The following DCTN6 variants were observed in gnomAD, a reference collection of about 807,000 sequenced individuals.
The protein encoded by DCTN6 is dynactin subunit 6.
A neutral mutation model predicts 25.8 loss-of-function variants in DCTN6; 15 were observed. The observed-to-expected ratio is 0.58, with a 90% CI of 0.39 to 0.89. The LOEUF (loss-of-function observed/expected upper bound fraction) is 0.89. Ranked by LOEUF, DCTN6 falls within the 40% of genes least tolerant of loss-of-function variation. The pLI is 0.00. For missense variants in DCTN6, 198 were observed against 237.6 expected, an observed-to-expected ratio of 0.83 and a Z score of 1.09; for synonymous variants, 64 against 78.3, an observed-to-expected ratio of 0.82 and a Z score of 0.96.
intron 1 of DCTN6, among the ~76,000 whole-genome samples, chr8:30,157,673 C>T (rs976459385): frequency 2.8e-4 from 42 of 152,130 alleles, no homozygotes; most frequent in African/African-American, 9.2e-4. Flanking sequence ...GCTTCTTCTC[C>T]GGTAGTCTTC....
intron 2 of DCTN6, among the ~76,000 whole-genome samples, chr8:30,172,180 C>T (rs1275109997): frequency 1.3e-5 from 2 of 151,902 alleles, no homozygotes; most frequent in Non-Finnish European, 1.5e-5. Context: ...GATCACAGCC[C>T]CGAAAGTTGT....
intron 1 of DCTN6, among the ~76,000 whole-genome samples, 166 bp downstream of exon 1, chr8:30,156,572 G>T (rs1031817377): frequency 6.6e-6 from 1 of 152,188 alleles, no homozygotes; most frequent in Admixed American, 6.5e-5. Context: ...GCGACGGAGT[G>T]GGGGCGGGGA....
chr8:30,171,257 T>C (rs959787762), intron 2 of DCTN6, among the ~76,000 whole-genome samples: 10 of 151,970 alleles, frequency 6.6e-5, no homozygotes, highest in Admixed American at 6.6e-5. Context: ...TATCTTTTTT[T>C]TTTCCCCTCA....
chr8:30,182,919 G>T (rs1803929251), intron 6 of DCTN6, among the ~76,000 whole-genome samples, 156 bp from the exon 7 acceptor site: 1 of 152,044 alleles, frequency 6.6e-6, no homozygotes, highest in African/African-American at 2.4e-5. Context: ...TCCCTATGTT[G>T]CTCAGGCTGT....
chr8:30,158,915 G>A (rs981227883), intron 1 of DCTN6, among the ~76,000 whole-genome samples: 5 of 151,732 alleles, frequency 3.3e-5, no homozygotes, highest in African/African-American at 1.2e-4. Flanking sequence ...CAGAGTAGCT[G>A]GGACTACAGG....
chr8:30,170,855 G>A (rs1401353964), intron 2 of DCTN6, among the ~76,000 whole-genome samples: 2 of 151,932 alleles, frequency 1.3e-5, no homozygotes, highest in East Asian at 1.9e-4. Context: ...GCCCGGTCTC[G>A]AACTCCTGTG....
At chr8:30,156,693 G>A (rs918432736) in intron 1 of DCTN6, among the ~76,000 whole-genome samples, 2 of 152,178 alleles carry the variant, frequency 1.3e-5, no homozygotes, top group Non-Finnish European at 2.9e-5. Context: ...AGGGCGGGGG[G>A]GGCTGTGAGG....
At chr8:30,168,666 G>A (rs1803719790) in intron 2 of DCTN6, among the ~76,000 whole-genome samples, 1 of 152,036 alleles carries the variant, frequency 6.6e-6, no homozygotes, top group African/African-American at 2.4e-5. Flanking sequence ...TAAGTTTCAG[G>A]CTAATGGAAC....
chr8:30,177,249 T>A (rs955694284), intron 4 of DCTN6, 35 bp downstream of exon 4: 5 of 1,562,508 alleles, frequency 3.2e-6, no homozygotes, highest in Non-Finnish European at 4.4e-6. Flanking sequence ...AAATAATTCC[T>A]GGCTCTCCTT....
intron 2 of DCTN6, among the ~76,000 whole-genome samples, chr8:30,169,288 CAG>C (rs139517258): frequency 0.021 from 3,193 of 151,994 alleles, 129 homozygotes; most frequent in African/African-American, 0.073. Flanking sequence ...GTCAAAAAAA[CAG>C]AGCTTAAGGC....
At chr8:30,158,641 A>C (rs1803556575) in intron 1 of DCTN6, among the ~76,000 whole-genome samples, 1 of 149,856 alleles carries the variant, frequency 6.7e-6, no homozygotes, top group African/African-American at 2.4e-5. Context: ...ATCTTACTAA[A>C]ATCTTTCTTC....
At chr8:30,177,756 C>G (rs1323918460) in intron 4 of DCTN6, among the ~76,000 whole-genome samples, 1 of 152,156 alleles carries the variant, frequency 6.6e-6, no homozygotes, top group East Asian at 1.9e-4. Flanking sequence ...AGTAGGTCAT[C>G]TAGCTCTTTG....
At chr8:30,180,728 A>G (rs2117601234) in intron 6 of DCTN6, 98 bp downstream of exon 6, 2 of 1,374,420 alleles carry the variant, frequency 1.5e-6, no homozygotes, top group Non-Finnish European at 2.0e-6. Flanking sequence ...ATTTAAGAAC[A>G]TAATTAAAAT....
At chr8:30,167,086 AAAG>A (rs1315944958) in intron 2 of DCTN6, among the ~76,000 whole-genome samples, 2 of 151,658 alleles carry the variant, frequency 1.3e-5, no homozygotes, top group African/African-American at 2.4e-5. Context: ...AGAAAGAAGG[AAAG>A]AAGAAAGGAA....
At chr8:30,162,645 T>C (rs946357684) in intron 1 of DCTN6, among the ~76,000 whole-genome samples, 1 of 152,190 alleles carries the variant, frequency 6.6e-6, no homozygotes, top group Non-Finnish European at 1.5e-5. Context: ...TCAGCTAGGG[T>C]CAGTGTTTAC....
At chr8:30,157,064 A>G (rs997713979) in intron 1 of DCTN6, among the ~76,000 whole-genome samples, 2 of 152,160 alleles carry the variant, frequency 1.3e-5, no homozygotes, top group Non-Finnish European at 2.9e-5. Context: ...ATTGTATCAG[A>G]TGGGTAATTT....
intron 4 of DCTN6, 60 bp from the exon 5 acceptor site, chr8:30,179,348 T>C: frequency 7.1e-7 from 1 of 1,410,838 alleles, no homozygotes; most frequent in East Asian, 2.3e-5. Flanking sequence ...AAGTACATAC[T>C]GTGTTAGTGG....
chr8:30,165,090 ATAG>A lies in DCTN6; in HGVS notation c.88+921_88+923del, dbSNP rs532515246. 1.2e-4 allele frequency among the ~76,000 whole-genome samples: 18 copies of A among 152,360 alleles called. No homozygotes were observed. The South Asian group carries it at 3.7e-3, about 32-fold the overall frequency. On this transcript the variant is annotated intron_variant, in intron 2 of 6. Coordinates refer to ENST00000221114, the MANE Select transcript of DCTN6 (RefSeq NM_006571.4). ...ATGAGCAATTTTCATAACATGCAAAATAGTAGTATCTACCTCCTAGGTTTCTTG... is the reference window on the plus strand; with the variant it reads ...ATGAGCAATTTTCATAACATGCAAAATAGTATCTACCTCCTAGGTTTCTTG...
At chr8:30,181,546 A>G (rs1803910867) in intron 6 of DCTN6, among the ~76,000 whole-genome samples, 3 of 152,184 alleles carry the variant, frequency 2.0e-5, no homozygotes, top group Admixed American at 2.0e-4. Context: ...TTTGTATTGC[A>G]GTTTCGAGCC....
Sources: allele counts gnomAD v4.1 joint callset (sites outside exome capture counted in the v4.1 genomes callset), GRCh38; gene constraint gnomAD v4.1.1; transcripts MANE v1.5; gene names NCBI Gene and HGNC (gene_info 2026-07-23, HGNC 2026-07-21).